ASCC3: variants seen among roughly 807,000 people sequenced by gnomAD.
ASCC3 encodes the protein activating signal cointegrator 1 complex subunit 3.
ASCC3 carries 158 observed loss-of-function variants against 256.3 expected under a neutral mutation model. The observed-to-expected ratio is 0.62, with a 90% CI of 0.54 to 0.70. The LOEUF is 0.70. ASCC3 is among the 30% of genes least tolerant of loss of function. The pLI, the probability that ASCC3 is intolerant of heterozygous loss-of-function variation, is 0.00. For missense variants in ASCC3, 2,259 were observed against 2,626.0 expected, an observed-to-expected ratio of 0.86 and a Z score of 3.05; for synonymous variants, 948 against 883.4, an observed-to-expected ratio of 1.07 and a Z score of -1.30.
At chr6:100,737,019 C>T (rs1780203526) in intron 10 of ASCC3, among the ~76,000 whole-genome samples, 2 of 151,880 alleles carry the variant, frequency 1.3e-5, no homozygotes, top group East Asian at 1.9e-4. Context: ...TAGTGGCGTG[C>T]GCCTGTAGTC....
chr6:100,855,999 T>C (rs184040869), intron 3 of ASCC3, among the ~76,000 whole-genome samples: 1 of 152,314 alleles, frequency 6.6e-6, no homozygotes, highest in Non-Finnish European at 1.5e-5. Context: ...GTTAGGAATC[T>C]GAAAAGCAAA....
intron 39 of ASCC3, among the ~76,000 whole-genome samples, chr6:100,515,389 G>GAA (rs1263397890): frequency 6.7e-6 from 1 of 150,098 alleles, no homozygotes; most frequent in South Asian, 2.1e-4. Flanking sequence ...GTTCCACTTG[G>GAA]AAAAAAAAAG....
intron 10 of ASCC3, among the ~76,000 whole-genome samples, chr6:100,762,295 G>A (rs1353243387): frequency 6.6e-6 from 1 of 152,096 alleles, no homozygotes; most frequent in Non-Finnish European, 1.5e-5. Context: ...TCAGAACTCA[G>A]AGCAAATGCT....
chr6:100,539,313 A>G (rs1026014335), intron 37 of ASCC3, among the ~76,000 whole-genome samples: 2 of 152,178 alleles, frequency 1.3e-5, no homozygotes, highest in African/African-American at 4.8e-5. Flanking sequence ...AATTATCTGA[A>G]AAGGCTATAA....
At chr6:100,873,099 A>G (rs888646492) in intron 1 of ASCC3, among the ~76,000 whole-genome samples, 2 of 152,018 alleles carry the variant, frequency 1.3e-5, no homozygotes, top group South Asian at 2.1e-4. Flanking sequence ...TCAAGGAAGC[A>G]CCAGAGAAAG....
chr6:100,664,839 GAGT>G (rs2114936892), intron 14 of ASCC3, among the ~76,000 whole-genome samples: 1 of 152,306 alleles, frequency 6.6e-6, no homozygotes, highest in East Asian at 1.9e-4. Context: ...TAATATTCAA[GAGT>G]GGATATTCAA....
At position 100,820,808 on chromosome 6, in the gene ASCC3, T is replaced by TA. The variant is rs1771003678; in HGVS notation, c.802-14929dup. ...TCAGTAATAAAAAGAAAACCCAATA[T>TA]AAAAATGAGCAAATGATCTGAATTT... On this transcript the variant is annotated intron_variant, in intron 4 of 41. Coordinates refer to ENST00000369162, the MANE Select transcript of ASCC3 (RefSeq NM_006828.4). 6.6e-5 allele frequency among the ~76,000 whole-genome samples: 10 copies of TA among 151,762 alleles called. No individual in the cohort carries two copies. In the South Asian group the frequency reaches 2.1e-3, roughly 31 times the overall value.
chr6:100,748,209 C>A (rs1171626628), intron 10 of ASCC3, among the ~76,000 whole-genome samples: 1 of 151,728 alleles, frequency 6.6e-6, no homozygotes, highest in East Asian at 1.9e-4. Context: ...TCTACTTTTT[C>A]TTTTGTCTTT....
At chr6:100,539,359 A>G (rs1489252931) in intron 37 of ASCC3, among the ~76,000 whole-genome samples, 1 of 152,124 alleles carries the variant, frequency 6.6e-6, no homozygotes, top group African/African-American at 2.4e-5. Flanking sequence ...TTACCTCTCT[A>G]GGCTGGATTT....
chr6:100,548,525 T>C (rs1362930500), intron 36 of ASCC3, among the ~76,000 whole-genome samples: 1 of 151,970 alleles, frequency 6.6e-6, no homozygotes, highest in Non-Finnish European at 1.5e-5. Flanking sequence ...ATCTACCATA[T>C]GCCATTGTAG....
intron 36 of ASCC3, among the ~76,000 whole-genome samples, chr6:100,587,934 T>C (rs183258781): frequency 6.6e-6 from 1 of 152,292 alleles, no homozygotes; most frequent in Admixed American, 6.5e-5. Flanking sequence ...GTACAGAATG[T>C]AGTAGGCATA....
chr6:100,612,453 C>T (rs753011545), intron 30 of ASCC3, among the ~76,000 whole-genome samples: 4 of 152,052 alleles, frequency 2.6e-5, no homozygotes, highest in African/African-American at 4.8e-5. Context: ...GAACTCTATA[C>T]TCTTTTCAAA....
chr6:100,768,189 A>G (rs1233252605), intron 8 of ASCC3, among the ~76,000 whole-genome samples: 12 of 142,158 alleles, frequency 8.4e-5, no homozygotes, highest in Non-Finnish European at 6.3e-5. Flanking sequence ...TTTGTGACAC[A>G]GAGTTTGCAC....
At chr6:100,608,070 A>G (rs1465624769) in intron 30 of ASCC3, among the ~76,000 whole-genome samples, 2 of 114,432 alleles carry the variant, frequency 1.7e-5, no homozygotes, top group Non-Finnish European at 1.7e-5. Flanking sequence ...ACATATATAT[A>G]CATATATATG....
intron 37 of ASCC3, among the ~76,000 whole-genome samples, chr6:100,527,115 G>T (rs1416327868): frequency 6.6e-6 from 1 of 152,114 alleles, no homozygotes; most frequent in African/African-American, 2.4e-5. Context: ...TTAACAGTCG[G>T]TGTTGTTATA....
intron 38 of ASCC3, among the ~76,000 whole-genome samples, chr6:100,516,665 G>A (rs991413949): frequency 3.3e-5 from 5 of 152,142 alleles, no homozygotes; most frequent in Non-Finnish European, 5.9e-5. Flanking sequence ...TGTGCTTAAT[G>A]AGTGTAGCAA....
intron 18 of ASCC3, 115 bp downstream of exon 18, chr6:100,652,610 A>C: frequency 1.7e-6 from 2 of 1,144,484 alleles, no homozygotes; most frequent in South Asian, 1.4e-5. Context: ...GAATTCATAT[A>C]AGTTAAATGG....
At chr6:100,663,715 T>C (rs1776337203) in intron 14 of ASCC3, among the ~76,000 whole-genome samples, 1 of 152,150 alleles carries the variant, frequency 6.6e-6, no homozygotes, top group East Asian at 1.9e-4. Context: ...CTTCTAGTTG[T>C]GAAATTACAA....
chr6:100,837,012 T>C (rs1771908310), intron 4 of ASCC3, among the ~76,000 whole-genome samples: 1 of 151,996 alleles, frequency 6.6e-6, no homozygotes, highest in Non-Finnish European at 1.5e-5. Context: ...ATAAGGAAAT[T>C]AAACAACTCG....
Sources: allele counts gnomAD v4.1 joint callset (sites outside exome capture counted in the v4.1 genomes callset), GRCh38; gene constraint gnomAD v4.1.1; transcripts MANE v1.5; gene names NCBI Gene and HGNC (gene_info 2026-07-23, HGNC 2026-07-21).